The following POLQ variants were observed in gnomAD, a reference collection of about 807,000 sequenced individuals.
The protein encoded by POLQ is DNA polymerase theta.
POLQ carries 233 observed loss-of-function variants against 259.2 expected under a neutral mutation model. The ratio of observed to expected loss-of-function variants is 0.90; its 90% CI spans 0.81 to 1.00. The LOEUF (loss-of-function observed/expected upper bound fraction) is 1.00, where lower values mean the gene tolerates loss of function less well. Among genes scored for constraint, POLQ ranks in the 50% least tolerant of loss-of-function variants. The probability of loss-of-function intolerance (pLI) is 0.00; values close to 1 mark genes in which losing one functional copy is unlikely to be tolerated. For missense variants in POLQ, 2,871 were observed against 3,051.6 expected (o/e 0.94, Z 1.39); for synonymous variants, 1,025 against 1,048.8 (o/e 0.98, Z 0.44).
intron 10 of POLQ, among the ~76,000 whole-genome samples, chr3:121,511,009 C>A (rs1214172937): frequency 6.6e-6 from 1 of 152,104 alleles, no homozygotes; most frequent in Non-Finnish European, 1.5e-5. Context: ...AGGCGGATCA[C>A]GAGGTCAGGA....
intron 7 of POLQ, among the ~76,000 whole-genome samples, chr3:121,528,746 A>G (rs999933036): frequency 1.3e-5 from 2 of 152,176 alleles, no homozygotes; most frequent in Non-Finnish European, 2.9e-5. Context: ...TCAGATCAGG[A>G]GTTCAAGACC....
chr3:121,440,120 C>G lies in POLQ; in HGVS notation c.7265-4G>C. On this transcript the variant is annotated splice_polypyrimidine_tract_variant and splice_region_variant and intron_variant, in intron 26 of 29. Coordinates refer to ENST00000264233, the MANE Select transcript of POLQ (RefSeq NM_199420.4). ...TCTGTCATGAATTGATTAATCCCTA[C>G]AAAGAAAATACAGAAATAATTAATT... 2 of 1,600,898 alleles carry G rather than the reference C, an allele frequency of 1.2e-6. No individual in the cohort carries two copies. Among genetic ancestry groups the G allele is most frequent in the Non-Finnish European group, 1.7e-6 (2 of 1,169,508 alleles).
chr3:121,526,860 CGTGT>C (rs569221961), intron 7 of POLQ, among the ~76,000 whole-genome samples: 172 of 138,140 alleles, frequency 1.2e-3, no homozygotes, highest in Non-Finnish European at 2.1e-3. Context: ...TGTGTGTGTG[CGTGT>C]GTGTCTCTGT....
intron 11 of POLQ, 90 bp from the exon 12 acceptor site, chr3:121,509,793 C>G: frequency 7.7e-7 from 1 of 1,293,118 alleles, no homozygotes; most frequent in Non-Finnish European, 1.1e-6. Flanking sequence ...CATGCTAACC[C>G]TCCCGGCTGA....
intron 15 of POLQ, among the ~76,000 whole-genome samples, chr3:121,492,492 G>C (rs2048076650): frequency 6.6e-6 from 1 of 152,174 alleles, no homozygotes; most frequent in Admixed American, 6.5e-5. Context: ...TCAGAGGAAT[G>C]TATTTTAAAA....
intron 7 of POLQ, among the ~76,000 whole-genome samples, chr3:121,528,605 A>G (rs1383449187): frequency 6.6e-6 from 1 of 151,942 alleles, no homozygotes; most frequent in East Asian, 2.0e-4. Flanking sequence ...AGCCTCCCAA[A>G]GTGCTGGGAT....
intron 26 of POLQ, among the ~76,000 whole-genome samples, chr3:121,442,961 C>T (rs146277942): frequency 4.8e-4 from 73 of 152,262 alleles, no homozygotes; most frequent in African/African-American, 1.7e-3. Context: ...CCGGTTCAAG[C>T]AATTCTCCTG....
In POLQ at chr3:121,436,154, T is replaced by A. The variant is rs773572077; in HGVS notation, c.7511A>T (p.His2504Leu). The part of the protein sequence containing the change: ...TFHSTFKSHG[H>L]REGMLQSDQT... Reference sequence around the variant, plus strand: ...GTCACTTTGGAGCATACCCTCTCGATGACCATGGGATTTGAAGGTTGAGTG... The same window carrying A: ...GTCACTTTGGAGCATACCCTCTCGAAGACCATGGGATTTGAAGGTTGAGTG... Residue 2504 changes from histidine to leucine, a missense_variant, in exon 28 of 30, where the codon CAT (histidine) becomes CTT (leucine). By Grantham distance (99) the His-to-Leu change is moderately conservative (BLOSUM62 -3). Transcript: ENST00000264233. The A allele has an allele frequency of 1.1e-5, 18 of 1,613,838 alleles. No homozygotes were observed. The Admixed American group carries it at 2.0e-4, about 18-fold the overall frequency.
rs2048318684 is a variant in POLQ at position 121,519,126 on chromosome 3, T to C, written c.1468+745A>G. On this transcript the variant is annotated intron_variant, in intron 9 of 29. Coordinates refer to ENST00000264233, the MANE Select transcript of POLQ (RefSeq NM_199420.4). ...GGATGTCAAGTTCCTATTCCCAAAG[T>C]GTGAGGGTGCATCCCAGCATCCTTG... is the stretch of plus-strand genomic sequence containing the variant. Among the ~76,000 whole-genome samples, 3 of 151,976 alleles carry C rather than the reference T, an allele frequency of 2.0e-5. 1 individual carries two copies. The South Asian group carries it at 6.2e-4, about 32-fold the overall frequency.
chr3:121,503,702 A>G (rs1405391265), intron 12 of POLQ, among the ~76,000 whole-genome samples: 2 of 152,226 alleles, frequency 1.3e-5, no homozygotes, highest in East Asian at 3.8e-4. Context: ...ATATAAAATG[A>G]TAGTGTCTGT....
Position 121,485,030 on chromosome 3 carries a change from T to G in POLQ, c.5773+11A>C. The G allele has an allele frequency of 6.2e-7, 1 of 1,601,614 alleles. No homozygotes were observed. Among genetic ancestry groups the G allele is most frequent in the Non-Finnish European group, 8.5e-7 (1 of 1,173,998 alleles). On this transcript the variant is annotated intron_variant, in intron 17 of 29. Coordinates refer to ENST00000264233, the MANE Select transcript of POLQ (RefSeq NM_199420.4). ...ATTACATAGTGACTTAGCCAAATAC[T>G]CATTACTTACCAGAATGCTTTTGTT...
chr3:121,513,676 C>T (rs116128779), intron 9 of POLQ, among the ~76,000 whole-genome samples: 1 of 151,258 alleles, frequency 6.6e-6, no homozygotes, highest in Non-Finnish European at 1.5e-5. Flanking sequence ...TTTACTACCC[C>T]CCTCCCCAGA....
chr3:121,437,238 C>T (rs1321833782), intron 27 of POLQ, among the ~76,000 whole-genome samples: 1 of 152,072 alleles, frequency 6.6e-6, no homozygotes, highest in Non-Finnish European at 1.5e-5. Flanking sequence ...CCTCTCTCCA[C>T]ACCTAAAATT....
chr3:121,524,028 G>A (rs937015412), intron 7 of POLQ, among the ~76,000 whole-genome samples: 4 of 152,164 alleles, frequency 2.6e-5, no homozygotes, highest in African/African-American at 9.7e-5. Context: ...TATAAATAAT[G>A]TGCTGCCTTG....
intron 24 of POLQ, among the ~76,000 whole-genome samples, chr3:121,462,286 T>C (rs984708268): frequency 6.6e-6 from 1 of 152,072 alleles, no homozygotes; most frequent in Non-Finnish European, 1.5e-5. Context: ...GGTTCTCAGA[T>C]GTTAGACAAC....
At position 121,487,654 on chromosome 3, in the gene POLQ, AG is replaced by A. The variant is rs1396842859; in HGVS notation, c.5276del (p.Pro1759LeufsTer27). Reference protein sequence around the residue: ...FPGILETPVNPWKTNNVLQPG... With the variant: ...FPGILETPVNXWKTNNVLQPG... ...GTTGTAAAACATTATTAGTTTTCCAAGGGTTTACAGGTGTTTCAAGAATCCC... is the reference window on the plus strand; with the variant it reads ...GTTGTAAAACATTATTAGTTTTCCAAGGTTTACAGGTGTTTCAAGAATCCC... On this transcript the variant is annotated frameshift_variant, in exon 16 of 30. Coordinates refer to ENST00000264233, the MANE Select transcript of POLQ (RefSeq NM_199420.4). LOFTEE classifies it high-confidence loss of function. 3.1e-6 allele frequency: 5 copies of A among 1,613,744 alleles called. No individual in the cohort carries two copies. Among genetic ancestry groups the A allele is most frequent in the East Asian group, 2.2e-5 (1 of 44,874 alleles).
chr3:121,544,618 T>TATAA (rs1480245790), intron 2 of POLQ, 109 bp downstream of exon 2: 2 of 653,540 alleles, frequency 3.1e-6, no homozygotes, highest in Non-Finnish European at 5.3e-6. Flanking sequence ...TTTCTCTAGT[T>TATAA]ATAAAGCACT....
intron 19 of POLQ, among the ~76,000 whole-genome samples, chr3:121,478,141 C>T (rs192018793): frequency 6.6e-6 from 1 of 152,182 alleles, no homozygotes; most frequent in African/African-American, 2.4e-5. Flanking sequence ...CTTGAAACAA[C>T]AACAGGATGA....
rs569903422 is a variant in POLQ, at chr3:121,494,534, G to GT, written c.2279-814dup. On this transcript the variant is annotated intron_variant, in intron 14 of 29. Transcript: ENST00000264233. Reference sequence around the variant, plus strand: ...TGTCCTTCGAACAGGAGTTAACACCGTCACCACCTTGGTGGAGAACAAGAA... The same window carrying GT: ...TGTCCTTCGAACAGGAGTTAACACCGTTCACCACCTTGGTGGAGAACAAGAA... 1.3e-4 allele frequency: 212 copies of GT among 1,579,706 alleles called. 1 individual carries two copies. In the East Asian group the frequency reaches 4.6e-3, roughly 34 times the overall value.
Sources: allele counts gnomAD v4.1 joint callset (sites outside exome capture counted in the v4.1 genomes callset), GRCh38; gene constraint gnomAD v4.1.1; transcripts MANE v1.5; gene names NCBI Gene and HGNC (gene_info 2026-07-23, HGNC 2026-07-21).